The following TNFAIP8L3 variants were observed in gnomAD, a reference collection of about 807,000 sequenced individuals.
The protein encoded by TNFAIP8L3 is tumor necrosis factor alpha-induced protein 8-like protein 3.
Under a neutral mutation model 11.8 loss-of-function variants are expected in TNFAIP8L3, and 7 were observed. That is an observed-to-expected ratio of 0.59 (90% CI 0.34 to 1.11). The LOEUF (loss-of-function observed/expected upper bound fraction) is 1.11. Among genes scored for constraint, TNFAIP8L3 ranks in the 50% most tolerant of loss-of-function variants. The pLI, the probability that TNFAIP8L3 is intolerant of heterozygous loss-of-function variation, is 0.03. For synonymous variants in TNFAIP8L3, 98 were observed against 103.8 expected (o/e 0.94, Z 0.34); for missense variants, 219 against 258.6 (o/e 0.85, Z 1.05).
Position 51,094,677 on chromosome 15 carries a change from C to T in TNFAIP8L3, c.-82G>A, listed in dbSNP as rs1309538885. On this transcript the variant is annotated 5_prime_UTR_variant, in exon 1 of 2. Coordinates refer to ENST00000637513, the MANE Select transcript of TNFAIP8L3 (RefSeq NM_001311175.2). The surrounding 1 kb of genome is among the most constrained non-coding windows in gnomAD (Gnocchi z 4.4). ...GCAGCCGCGGCGCACTCAGGGCGGA[C>T]AGCGGGGCGGCTGGAGCCCGGGCGG... 8.2e-6 allele frequency: 10 copies of T among 1,213,034 alleles called. No homozygotes were observed. The highest frequency in any genetic ancestry group is 1.0e-6 in the Non-Finnish European group (1 of 978,886). 75.1% of individuals were successfully genotyped at this position (1,213,034 alleles called of 1,614,324 possible). A position where few individuals can be genotyped will look rare whatever the true frequency, so the allele number is the denominator to read the frequency against.
At chr15:51,101,666 G>T (rs2065552324) in intron 1 of TNFAIP8L3, among the ~76,000 whole-genome samples, 1 of 151,016 alleles carries the variant, frequency 6.6e-6, no homozygotes. Context: ...AAATATGTAG[G>T]CTGGGCGCCG....
At chr15:51,101,558 T>C (rs1207425622) in intron 1 of TNFAIP8L3, among the ~76,000 whole-genome samples, 1 of 150,776 alleles carries the variant, frequency 6.6e-6, no homozygotes, top group African/African-American at 2.4e-5. Context: ...GAGGTTGAGG[T>C]TGCAGTTAGC....
intron 1 of TNFAIP8L3, among the ~76,000 whole-genome samples, chr15:51,083,319 A>C (rs1264983529): frequency 6.6e-6 from 1 of 152,240 alleles, no homozygotes; most frequent in Non-Finnish European, 1.5e-5. Flanking sequence ...TGGTGGTGGC[A>C]GACCAATACC....
At chr15:51,096,565 A>G (rs2065514694), upstream of TNFAIP8L3, among the ~76,000 whole-genome samples, 1 of 152,222 alleles carries the variant, frequency 6.6e-6, no homozygotes, top group South Asian at 2.1e-4. Context: ...TTAGAAAAAC[A>G]AAATATTTTA....
intron 1 of TNFAIP8L3, among the ~76,000 whole-genome samples, chr15:51,078,036 G>T (rs1411422577): frequency 6.6e-6 from 1 of 152,152 alleles, no homozygotes; most frequent in South Asian, 2.1e-4. Context: ...CGTGTTCACC[G>T]TGGCGTCCCT....
At chr15:51,068,212 G>A (rs2065284212) in intron 1 of TNFAIP8L3, among the ~76,000 whole-genome samples, 1 of 152,178 alleles carries the variant, frequency 6.6e-6, no homozygotes, top group African/African-American at 2.4e-5. Context: ...ATGACGATGA[G>A]TTGTTTCTTC....
At chr15:51,059,573 A>G (rs1595604133) in intron 1 of TNFAIP8L3, among the ~76,000 whole-genome samples, 1 of 152,210 alleles carries the variant, frequency 6.6e-6, no homozygotes, top group African/African-American at 2.4e-5. Context: ...TATCTTCCCA[A>G]GGAGATTCAA....
chr15:51,098,184 A>T (rs1034781935), upstream of TNFAIP8L3, among the ~76,000 whole-genome samples: 4 of 151,892 alleles, frequency 2.6e-5, no homozygotes, highest in African/African-American at 9.7e-5. Flanking sequence ...ACACAATAAT[A>T]CTCCTTTAAT....
chr15:51,093,205 C>T (rs2065485278), intron 1 of TNFAIP8L3, among the ~76,000 whole-genome samples: 1 of 152,214 alleles, frequency 6.6e-6, no homozygotes, highest in Admixed American at 6.5e-5. Context: ...TGCACACACA[C>T]AGGAATCCTT....
chr15:51,058,690 A>AT (rs2065222733), intron 1 of TNFAIP8L3, among the ~76,000 whole-genome samples: 1 of 152,156 alleles, frequency 6.6e-6, no homozygotes, highest in South Asian at 2.1e-4. Flanking sequence ...GCTGGAGGTC[A>AT]TCTCCTCTTA....
intron 1 of TNFAIP8L3, among the ~76,000 whole-genome samples, chr15:51,081,672 G>GAAAAC (rs1278885573): frequency 6.6e-6 from 1 of 152,328 alleles, no homozygotes; most frequent in Admixed American, 6.5e-5. Context: ...CAACACAACA[G>GAAAAC]AAAACAAAAC....
At position 51,058,449 on chromosome 15, in the gene TNFAIP8L3, G is replaced by A. The variant is rs1225728533; in HGVS notation, c.53-6C>T. ...TGAACTAAAAACATCAGGACCTATG[G>A]TAAAAAAAATATATATAAAAGTTTT... On this transcript the variant is annotated splice_polypyrimidine_tract_variant and splice_region_variant and intron_variant, in intron 1 of 1. Coordinates refer to ENST00000637513, the MANE Select transcript of TNFAIP8L3 (RefSeq NM_001311175.2). 11 of 1,377,396 alleles carry A rather than the reference G, an allele frequency of 8.0e-6. No homozygotes were observed. Among genetic ancestry groups the A allele is most frequent in the Admixed American group, 3.4e-5 (1 of 29,026 alleles). 85.3% of individuals were successfully genotyped at this position (1,377,396 alleles called of 1,614,324 possible).
intron 1 of TNFAIP8L3, among the ~76,000 whole-genome samples, chr15:51,093,075 G>A (rs1444953331): frequency 6.6e-6 from 1 of 152,178 alleles, no homozygotes; most frequent in Non-Finnish European, 1.5e-5. Context: ...AATGATGAGA[G>A]GAGATCCACA....
rs1200363641 is a variant in TNFAIP8L3 at position 51,094,751 on chromosome 15, G to C, written c.-156C>G. 5 of 951,936 alleles carry C rather than the reference G, an allele frequency of 5.3e-6. No homozygotes were observed. The highest frequency in any genetic ancestry group is 6.1e-6 in the Non-Finnish European group (5 of 814,816). The allele number at this position is 951,936 out of a possible 1,614,324, so 59.0% of individuals were successfully genotyped here. A position where few individuals can be genotyped will look rare whatever the true frequency, so the allele number is the denominator to read the frequency against. ...TGCGCGGCGGCAGCGGCCAGGGGGCGGCTCCGCAGAGGCGAGCGCCGCCGC... is the reference window on the plus strand; with the variant it reads ...TGCGCGGCGGCAGCGGCCAGGGGGCCGCTCCGCAGAGGCGAGCGCCGCCGC... On this transcript the variant is annotated 5_prime_UTR_variant, in exon 1 of 2. Transcript: ENST00000637513. This position sits in a 1 kb window ranked among gnomAD's most constrained non-coding sequence, Gnocchi z 4.4.
intron 1 of TNFAIP8L3, among the ~76,000 whole-genome samples, chr15:51,077,041 C>G (rs912442905): frequency 2.6e-5 from 4 of 152,176 alleles, no homozygotes; most frequent in African/African-American, 9.7e-5. Context: ...CCTCCTGCTT[C>G]TTTCTCACTG....
intron 1 of TNFAIP8L3, among the ~76,000 whole-genome samples, chr15:51,063,965 C>A (rs2065254759): frequency 6.6e-6 from 1 of 152,118 alleles, no homozygotes. Flanking sequence ...AAGCTTCCAG[C>A]CATCTATCTT....
rs1347145555 is a variant in TNFAIP8L3, at chr15:51,056,956, C to G, written c.*925G>C. On this transcript the variant is annotated 3_prime_UTR_variant, in exon 2 of 2. Coordinates refer to ENST00000637513, the MANE Select transcript of TNFAIP8L3 (RefSeq NM_001311175.2). ...ACAGAGTCTTGCTCTGTTGCCCAGG[C>G]TGGAGTACAGTGGCGTGATCTCAGC... 6.6e-6 allele frequency: 1 copy of G among 152,132 alleles called. No homozygotes were observed. The highest frequency in any genetic ancestry group is 6.5e-5 in the Admixed American group (1 of 15,274). 9.4% of individuals were successfully genotyped at this position (152,132 alleles called of 1,614,324 possible). A position where few individuals can be genotyped will look rare whatever the true frequency, so the allele number is the denominator to read the frequency against.
At chr15:51,101,945 C>CAAAAAAAAAAAAAAAAAAAAAAAAA (rs11297566) in intron 1 of TNFAIP8L3, among the ~76,000 whole-genome samples, 4 of 85,712 alleles carry the variant, frequency 4.7e-5, no homozygotes, top group Non-Finnish European at 4.7e-5. Flanking sequence ...GACTCTGTCT[C>CAAAAAAAAAAAAAAAAAAAAAAAAA]AAAAAAAAAA....
At chr15:51,089,096 TC>T (rs932981340) in intron 1 of TNFAIP8L3, among the ~76,000 whole-genome samples, 51 of 151,914 alleles carry the variant, frequency 3.4e-4, no homozygotes, top group African/African-American at 1.2e-3. Context: ...TCCCTTCCCT[TC>T]CCCCTTTTTT....
Sources: allele counts gnomAD v4.1 joint callset (sites outside exome capture counted in the v4.1 genomes callset), GRCh38; gene constraint gnomAD v4.1.1; non-coding constraint Gnocchi (gnomAD v3.1); transcripts MANE v1.5; gene names NCBI Gene and HGNC (gene_info 2026-07-23, HGNC 2026-07-21).